SLC50A1: variants seen among roughly 807,000 people sequenced by gnomAD.
The protein encoded by SLC50A1 is sugar transporter SWEET1.
A neutral mutation model predicts 28.9 loss-of-function variants in SLC50A1; 22 were observed. That is an observed-to-expected ratio of 0.76 (90% CI 0.54 to 1.09). The LOEUF (loss-of-function observed/expected upper bound fraction) is 1.09. Ranked by LOEUF, SLC50A1 falls within the 50% of genes least tolerant of loss-of-function variation. The pLI, the probability that SLC50A1 is intolerant of heterozygous loss-of-function variation, is 0.00. For synonymous variants in SLC50A1, 96 were observed against 110.6 expected (o/e 0.87, Z 0.83); for missense variants, 233 against 273.4 (o/e 0.85, Z 1.04).
Position 155,137,782 on chromosome 1 carries a change from C to A in SLC50A1, c.444+60C>A, listed in dbSNP as rs905226408. 8 of 1,598,066 alleles carry A rather than the reference C, an allele frequency of 5.0e-6. No individual in the cohort carries two copies. The African/African-American group carries it at 1.1e-4, about 21-fold the overall frequency. ...AGAGTCAGGCTCTCATAGCCAAATA[C>A]TATGGCTTACAGTCCCGAGGAAGGG... On this transcript the variant is annotated intron_variant, in intron 4 of 5. Coordinates refer to ENST00000368404, the MANE Select transcript of SLC50A1 (RefSeq NM_018845.4).
In SLC50A1 at chr1:155,138,204, A is replaced by G; in HGVS notation, c.589A>G (p.Thr197Ala). Residue 197 changes from threonine (T) to alanine (A), a missense_variant, in exon 6 of 6, where the codon ACC becomes GCC. Transcript: ENST00000368404. ...IMVSNFPGIV[T>A]SFIRFWLFWK... ...GGTGTCCAACTTTCCAGGAATCGTC[A>G]CCAGCTTTATCCGCTTCTGGCTTTT... 6.2e-7 allele frequency: 1 copy of G among 1,614,212 alleles called. No homozygotes were observed. The highest frequency in any genetic ancestry group is 8.5e-7 in the Non-Finnish European group (1 of 1,180,046).
At chr1:155,136,575 C>A in intron 2 of SLC50A1, 199 bp downstream of exon 2, 1 of 687,928 alleles carries the variant, frequency 1.5e-6, no homozygotes, top group Non-Finnish European at 2.5e-6. Context: ...AACCCCGTCT[C>A]TACTAAAAAT....
In SLC50A1 at chr1:155,137,730, G is replaced by A. The variant is rs942123804; in HGVS notation, c.444+8G>A. The A allele has an allele frequency of 2.5e-6, 4 of 1,614,000 alleles. No individual in the cohort carries two copies. The Admixed American group carries it at 6.7e-5, about 27-fold the overall frequency. On this transcript the variant is annotated splice_region_variant and intron_variant, in intron 4 of 5. Transcript: ENST00000368404. ...TCACCACTGGCTGACTTGGTGAGTGGGGGTGTCCAAGGAGGTAGGAGAGAT... is the reference window on the plus strand; with the variant it reads ...TCACCACTGGCTGACTTGGTGAGTGAGGGTGTCCAAGGAGGTAGGAGAGAT...
chr1:155,138,047 C>T lies in SLC50A1; in HGVS notation c.513C>T (p.Thr171=), dbSNP rs199711650. The change falls in exon 5 of 6, where the codon ACC becomes ACT. Residue 171 remains threonine (T), a synonymous_variant. Coordinates refer to ENST00000368404, the MANE Select transcript of SLC50A1 (RefSeq NM_018845.4). The part of the protein sequence containing the change: ...SYPLTIATLL[T]SASWCLYGFR... ...CACTCACCATTGCTACCCTTCTCAC[C>T]TCTGCCTCCTGGTGCCTCTATGGGT... 2 of 1,614,184 alleles carry T rather than the reference C, an allele frequency of 1.2e-6. No homozygotes were observed. Among genetic ancestry groups the T allele is most frequent in the East Asian group, 4.5e-5 (2 of 44,888 alleles).
upstream of SLC50A1, chr1:155,135,731 C>G (rs1664396293): frequency 1.3e-6 from 2 of 1,549,378 alleles, no homozygotes; most frequent in Middle Eastern, 1.9e-4. Context: ...GCGCGAGTTC[C>G]GGTTCGGCGT....
At chr1:155,135,721 G>A (rs1023316077), upstream of SLC50A1, 1 of 1,549,756 alleles carries the variant, frequency 6.5e-7, no homozygotes. Context: ...GAGGAGAGGG[G>A]CGCGAGTTCC....
chr1:155,135,920 G>C lies in SLC50A1; in HGVS notation c.9G>C (p.Ala3=), dbSNP rs1229302030. ME[A]GGFLDSLIYG... The stretch of plus-strand genomic sequence containing the variant: ...ATCCGACTCTAGTCGTAATGGAGGC[G>C]GGCGGCTTTCTGGACTCGCTCATTT... Residue 3 remains alanine, a synonymous_variant, in exon 1 of 6, where the codon GCG becomes GCC. Coordinates refer to ENST00000368404, the MANE Select transcript of SLC50A1 (RefSeq NM_018845.4). The C allele has an allele frequency of 2.5e-6, 4 of 1,613,806 alleles. No homozygotes were observed. The highest frequency in any genetic ancestry group is 1.1e-5 in the South Asian group (1 of 91,084).
intron 3 of SLC50A1, 55 bp downstream of exon 3, chr1:155,137,006 G>C: frequency 1.3e-6 from 2 of 1,596,088 alleles, no homozygotes; most frequent in South Asian, 2.2e-5. Context: ...CTTGCTGGCA[G>C]GGCAAACACT....
chr1:155,136,990 C>G (rs1468142071), intron 3 of SLC50A1, 39 bp downstream of exon 3: 1 of 1,601,830 alleles, frequency 6.2e-7, no homozygotes, highest in East Asian at 2.2e-5. Flanking sequence ...CTGCTGCACG[C>G]CCTGCCTTGC....
Position 155,138,236 on chromosome 1 carries a change from G to T in SLC50A1, c.621G>T (p.Lys207Asn). 1 of 1,614,176 alleles carries T rather than the reference G, an allele frequency of 6.2e-7. No individual in the cohort carries two copies. The highest frequency in any genetic ancestry group is 1.1e-5 in the South Asian group (1 of 91,082). ...TSFIRFWLFW[K>N]YPQEQDRNYW... ...TTATCCGCTTCTGGCTTTTCTGGAA[G>T]TACCCCCAGGAGCAAGACAGGAACT... The change falls in exon 6 of 6, where the codon AAG becomes AAT. Residue 207 changes from lysine (K) to asparagine (N), a missense_variant. Transcript: ENST00000368404.
intron 4 of SLC50A1, 32 bp from the exon 5 acceptor site, chr1:155,137,947 G>A: frequency 6.2e-7 from 1 of 1,614,014 alleles, no homozygotes; most frequent in East Asian, 2.2e-5. Flanking sequence ...CGATGTGCTT[G>A]GGCCAAGAGA....
At chr1:155,135,669 G>C, upstream of SLC50A1, 1 of 1,550,428 alleles carries the variant, frequency 6.4e-7, no homozygotes, top group Non-Finnish European at 8.7e-7. Flanking sequence ...GACTGACCGG[G>C]ACATGGAAGA....
upstream of SLC50A1, chr1:155,135,525 G>T: frequency 6.9e-7 from 1 of 1,442,988 alleles, no homozygotes; most frequent in South Asian, 1.3e-5. Context: ...TTTGTTTGGA[G>T]GTCCACCGCC....
Position 155,136,965 on chromosome 1 carries a change from C to G in SLC50A1, c.282+14C>G, listed in dbSNP as rs1448901462. 1 of 1,612,240 alleles carries G rather than the reference C, an allele frequency of 6.2e-7. No homozygotes were observed. Among genetic ancestry groups the G allele is most frequent in the Admixed American group, 1.7e-5 (1 of 59,980 alleles). On this transcript the variant is annotated intron_variant, in intron 3 of 5. Transcript: ENST00000368404. ...TGCCCTCGGAAGGTAGAGGCCCTCCCTTGGACCCACCTATCTGCTGCACGC... is the reference window on the plus strand; with the variant it reads ...TGCCCTCGGAAGGTAGAGGCCCTCCGTTGGACCCACCTATCTGCTGCACGC...
Position 155,137,564 on chromosome 1 carries a change from G to A in SLC50A1, c.286G>A (p.Val96Ile), listed in dbSNP as rs1664560534. 6.2e-7 allele frequency: 1 copy of A among 1,614,044 alleles called. No individual in the cohort carries two copies. The highest frequency in any genetic ancestry group is 8.5e-7 in the Non-Finnish European group (1 of 1,179,958). ...AAGGGTACTCTCTCCCCTGCAGCGT[G>A]TTGTGCTCCTACAGACTGCAACCCT... ...AYLHYCPRKR[V>I]VLLQTATLLG... is the part of the protein sequence containing the mutation. The change falls in exon 4 of 6, where the codon GTT (valine) becomes ATT (isoleucine). Residue 96 changes from valine to isoleucine, a missense_variant. Physicochemically the swap from Val to Ile is conservative, Grantham distance 29. Transcript: ENST00000368404.
In SLC50A1 at chr1:155,138,453, G is replaced by T. The variant is rs988555463; in HGVS notation, c.*172G>T. ...AGCTTTACTTAGATGATTGATTGGG[G>T]CCTAGGAGATGAAATCACTTTTTAT... is the stretch of plus-strand genomic sequence containing the variant. On this transcript the variant is annotated 3_prime_UTR_variant, in exon 6 of 6. Transcript: ENST00000368404. 14 of 608,752 alleles carry T rather than the reference G, an allele frequency of 2.3e-5. No individual in the cohort carries two copies. In the Admixed American group the frequency reaches 3.0e-4, roughly 13 times the overall value. The allele number at this position is 608,752 out of a possible 1,614,324, so 37.7% of individuals were successfully genotyped here.
upstream of SLC50A1, chr1:155,135,811 G>A (rs11264333): frequency 0.43 from 674,010 of 1,567,824 alleles, 151,420 homozygotes; most frequent in East Asian, 0.85. Context: ...GGAGCCGAGT[G>A]CGCGGGGCGG....
At chr1:155,137,906 T>TTGAGGAAA in intron 4 of SLC50A1, 73 bp from the exon 5 acceptor site, 4 of 1,609,982 alleles carry the variant, frequency 2.5e-6, no homozygotes, top group Middle Eastern at 3.4e-4. Context: ...GACCTTTTTC[T>TTGAGGAAA]TGAGGAAATT....
rs567285332 is a variant in SLC50A1 at position 155,137,184 on chromosome 1, C to G, written c.282+233C>G. 3 of 592,466 alleles carry G rather than the reference C, an allele frequency of 5.1e-6. No homozygotes were observed. In the South Asian group the frequency reaches 6.4e-5, roughly 13 times the overall value. 36.7% of individuals were successfully genotyped at this position (592,466 alleles called of 1,614,324 possible). A position where few individuals can be genotyped will look rare whatever the true frequency, so the allele number is the denominator to read the frequency against. On this transcript the variant is annotated intron_variant, in intron 3 of 5. Coordinates refer to ENST00000368404, the MANE Select transcript of SLC50A1 (RefSeq NM_018845.4). ...AGCCTGAGATGCCTATGCTGCCTGC[C>G]CTGGGCTTCAGCCAACAAGCTAAGG... is the stretch of plus-strand genomic sequence containing the variant.
Sources: gnomAD v4.1 joint callset for allele counts on GRCh38, gnomAD v4.1.1 for gene constraint, MANE v1.5 for transcripts, NCBI Gene and HGNC (gene_info 2026-07-23, HGNC 2026-07-21) for gene names.